CADM2: variants seen among roughly 807,000 people sequenced by gnomAD.
CADM2 encodes the protein cell adhesion molecule 2.
Under a neutral mutation model 49.8 loss-of-function variants are expected in CADM2, and 12 were observed. The ratio of observed to expected loss-of-function variants is 0.24; its 90% CI spans 0.15 to 0.39. CADM2 has a LOEUF of 0.39. Among genes scored for constraint, CADM2 ranks in the 10% least tolerant of loss-of-function variants. The pLI, the probability that CADM2 is intolerant of heterozygous loss-of-function variation, is 1.00. For missense variants in CADM2, 378 were observed against 492.3 expected (o/e 0.77, Z 2.20); for synonymous variants, 214 against 175.4 (o/e 1.22, Z -1.74).
At chr3:85,355,261 C>T (rs906081403) in intron 1 of CADM2, among the ~76,000 whole-genome samples, 1 of 151,908 alleles carries the variant, frequency 6.6e-6, no homozygotes, top group Non-Finnish European at 1.5e-5. Context: ...ATGCATCATC[C>T]GTCTCTTGTT....
chr3:85,136,283 A>G (rs1051372206), intron 1 of CADM2, among the ~76,000 whole-genome samples: 2 of 151,802 alleles, frequency 1.3e-5, no homozygotes, highest in African/African-American at 4.8e-5. Flanking sequence ...ACCCTCCTAA[A>G]TGTAGCTTTT....
Position 86,073,828 on chromosome 3 carries a change from A to G in CADM2, c.*7045A>G, listed in dbSNP as rs1703409969. On this transcript the variant is annotated 3_prime_UTR_variant, in exon 10 of 10. Coordinates refer to ENST00000383699, the MANE Select transcript of CADM2 (RefSeq NM_001167675.2). ...TTTTTTTCAACTTCATACATTATCC[A>G]TCCATTTTAGTTTTCCTCGATGATG... 2 of 151,938 alleles carry G rather than the reference A, an allele frequency of 1.3e-5. No homozygotes were observed. Among genetic ancestry groups the G allele is most frequent in the Admixed American group, 1.3e-4 (2 of 15,232 alleles). The allele number at this position is 151,938 out of a possible 1,614,324, so 9.4% of individuals were successfully genotyped here.
intron 1 of CADM2, among the ~76,000 whole-genome samples, chr3:85,163,665 A>G (rs2040390723): frequency 2.0e-5 from 3 of 152,062 alleles, no homozygotes; most frequent in African/African-American, 7.2e-5. Context: ...AGACTATGAC[A>G]GTTCTTACTC....
intron 1 of CADM2, among the ~76,000 whole-genome samples, chr3:85,492,723 T>C (rs902450009): frequency 5.9e-5 from 9 of 152,212 alleles, no homozygotes; most frequent in Non-Finnish European, 1.3e-4. Context: ...TTGAAAATCA[T>C]ATTTGAGTTA....
At chr3:85,593,509 T>C (rs997588794) in intron 1 of CADM2, among the ~76,000 whole-genome samples, 1 of 152,032 alleles carries the variant, frequency 6.6e-6, no homozygotes, top group African/African-American at 2.4e-5. Flanking sequence ...TCTATCGTCA[T>C]AGAGCATTTG....
At chr3:85,710,192 G>C (rs374378299) in intron 1 of CADM2, among the ~76,000 whole-genome samples, 4 of 152,196 alleles carry the variant, frequency 2.6e-5, no homozygotes, top group East Asian at 1.9e-4. Flanking sequence ...AGCATAACAA[G>C]CTAAAAGACC....
intron 3 of CADM2, among the ~76,000 whole-genome samples, chr3:85,817,762 G>A (rs904771699): frequency 1.3e-5 from 2 of 151,960 alleles, no homozygotes; most frequent in African/African-American, 4.8e-5. Context: ...GCAGTGAGCC[G>A]AGACTGCACC....
intron 1 of CADM2, among the ~76,000 whole-genome samples, chr3:85,537,923 G>C (rs1012916506): frequency 6.6e-6 from 1 of 152,096 alleles, no homozygotes; most frequent in Non-Finnish European, 1.5e-5. Context: ...CTCGGGGCTT[G>C]ATGGTCATGC....
chr3:85,402,079 T>G (rs879340229), intron 1 of CADM2, among the ~76,000 whole-genome samples: 17 of 152,150 alleles, frequency 1.1e-4, no homozygotes, highest in Admixed American at 1.3e-4. Context: ...TTTGGATCTT[T>G]TATAATTAGT....
At chr3:85,822,231 G>A (rs1471062746) in intron 3 of CADM2, among the ~76,000 whole-genome samples, 19 of 152,100 alleles carry the variant, frequency 1.2e-4, no homozygotes, top group Admixed American at 1.2e-3. Flanking sequence ...AAATACATTG[G>A]CAGTAATGGA....
rs144120567 is a variant in CADM2 at position 85,538,087 on chromosome 3, A to G, written c.62-188435A>G. Among the ~76,000 whole-genome samples the G allele has an allele frequency of 1.4e-4, 22 of 152,278 alleles. No homozygotes were observed. The East Asian group carries it at 2.5e-3, about 17-fold the overall frequency. ...CCCCTTATCAATAAAACCAAGATAT[A>G]TAAGATTTGCTTTAATATTGCCATT... On this transcript the variant is annotated intron_variant, in intron 1 of 9. Transcript: ENST00000383699.
intron 1 of CADM2, among the ~76,000 whole-genome samples, chr3:85,178,624 T>G (rs1398761695): frequency 6.6e-6 from 1 of 151,900 alleles, no homozygotes; most frequent in Non-Finnish European, 1.5e-5. Flanking sequence ...TTGGTCATGT[T>G]TAAAATCAGA....
At chr3:85,793,098 C>G (rs942034266) in intron 2 of CADM2, among the ~76,000 whole-genome samples, 8 of 152,076 alleles carry the variant, frequency 5.3e-5, no homozygotes, top group African/African-American at 1.9e-4. Context: ...AAAGGTTTGA[C>G]CATTCTTTCT....
intron 5 of CADM2, among the ~76,000 whole-genome samples, chr3:85,904,727 A>C (rs778626142): frequency 6.6e-6 from 1 of 152,048 alleles, no homozygotes; most frequent in Non-Finnish European, 1.5e-5. Flanking sequence ...GTTGCCCCCA[A>C]TTTCTTTTTC....
intron 1 of CADM2, among the ~76,000 whole-genome samples, chr3:85,449,701 A>C (rs2037666160): frequency 6.6e-6 from 1 of 152,170 alleles, no homozygotes; most frequent in Admixed American, 6.5e-5. Context: ...GAAAACAGAC[A>C]ATCAGTTCTT....
chr3:85,701,971 CATAGATAGATAGATAG>C (rs57418964), intron 1 of CADM2, among the ~76,000 whole-genome samples: 1,355 of 134,306 alleles, frequency 0.01, 12 homozygotes, highest in Middle Eastern at 0.029. Context: ...GATAGATAGA[CATAGATAGATAGATAG>C]ATAGATAGAT....
At chr3:86,008,540 G>A (rs935810540) in intron 8 of CADM2, among the ~76,000 whole-genome samples, 2 of 152,028 alleles carry the variant, frequency 1.3e-5, no homozygotes, top group African/African-American at 2.4e-5. Context: ...GTAATTCAAT[G>A]CTGAGATGAT....
At chr3:85,947,529 T>C (rs1282459776) in intron 7 of CADM2, among the ~76,000 whole-genome samples, 1 of 151,564 alleles carries the variant, frequency 6.6e-6, no homozygotes, top group Non-Finnish European at 1.5e-5. Flanking sequence ...TATTGGAAAA[T>C]TCATTCTAAA....
At chr3:85,671,410 G>C (rs996036208) in intron 1 of CADM2, among the ~76,000 whole-genome samples, 3 of 152,118 alleles carry the variant, frequency 2.0e-5, no homozygotes, top group Non-Finnish European at 4.4e-5. Context: ...TTTTCCAACA[G>C]TATATTAATT....
Sources: allele counts gnomAD v4.1 joint callset (sites outside exome capture counted in the v4.1 genomes callset), GRCh38; gene constraint gnomAD v4.1.1; transcripts MANE v1.5; gene names NCBI Gene and HGNC (gene_info 2026-07-23, HGNC 2026-07-21).